Variants in PDZD2 observed in about 807,000 individuals in gnomAD.
PDZD2 encodes the protein PDZ domain containing 2.
A neutral mutation model predicts 220.7 loss-of-function variants in PDZD2; 90 were observed. That is an observed-to-expected ratio of 0.41 (90% CI 0.34 to 0.49). The LOEUF (loss-of-function observed/expected upper bound fraction) is 0.49, where lower values mean the gene tolerates loss of function less well. Ranked by LOEUF, PDZD2 falls within the 20% of genes least tolerant of loss-of-function variation. PDZD2 has a pLI of 0.28. For missense variants in PDZD2, 3,174 were observed against 3,608.5 expected, an observed-to-expected ratio of 0.88 and a Z score of 3.08; for synonymous variants, 1,375 against 1,450.5, an observed-to-expected ratio of 0.95 and a Z score of 1.18.
intron 2 of PDZD2, among the ~76,000 whole-genome samples, chr5:31,897,424 G>A (rs1041517112): frequency 1.3e-5 from 2 of 152,112 alleles, no homozygotes; most frequent in African/African-American, 4.8e-5. Flanking sequence ...TCAGAGTGTT[G>A]TACACACCTC....
intron 2 of PDZD2, among the ~76,000 whole-genome samples, chr5:31,854,308 G>C (rs1758235720): frequency 6.6e-6 from 1 of 152,230 alleles, no homozygotes; most frequent in African/African-American, 2.4e-5. Flanking sequence ...GGCCTCCTGG[G>C]GGAGGGCTTG....
intron 6 of PDZD2, among the ~76,000 whole-genome samples, chr5:32,034,664 G>T (rs1183987122): frequency 6.6e-6 from 1 of 152,092 alleles, no homozygotes; most frequent in Non-Finnish European, 1.5e-5. Context: ...CTGGAACCAG[G>T]AATTTAACTC....
chr5:31,756,779 T>C (rs1751329096), intron 1 of PDZD2, among the ~76,000 whole-genome samples: 1 of 152,198 alleles, frequency 6.6e-6, no homozygotes, highest in Non-Finnish European at 1.5e-5. Flanking sequence ...GCCTTACATG[T>C]GGGGAAGGCC....
intron 2 of PDZD2, among the ~76,000 whole-genome samples, chr5:31,946,898 T>G (rs1293028186): frequency 6.6e-6 from 1 of 152,186 alleles, no homozygotes; most frequent in Non-Finnish European, 1.5e-5. Context: ...GACATGGGTC[T>G]TAACGACATT....
intron 6 of PDZD2, among the ~76,000 whole-genome samples, chr5:32,018,609 C>T (rs1289391928): frequency 6.6e-6 from 1 of 152,250 alleles, no homozygotes; most frequent in Non-Finnish European, 1.5e-5. Context: ...TCATTCTCGG[C>T]ACCAACCCGC....
intron 2 of PDZD2, among the ~76,000 whole-genome samples, chr5:31,877,311 G>A (rs1739391302): frequency 6.6e-6 from 1 of 152,028 alleles, no homozygotes; most frequent in Non-Finnish European, 1.5e-5. Context: ...GGTCTCTCGG[G>A]CTCAAGCGAT....
At chr5:32,080,782 A>C (rs1030275561) in intron 19 of PDZD2, among the ~76,000 whole-genome samples, 1 of 152,162 alleles carries the variant, frequency 6.6e-6, no homozygotes, top group Admixed American at 6.5e-5. Context: ...ACAAGAATGG[A>C]GCTGGAAGCC....
chr5:32,088,269 C>T lies in PDZD2; in HGVS notation c.4821C>T (p.Cys1607=). The stretch of plus-strand genomic sequence containing the variant: ...TTGAGATTTGTTCCACACGTGGCTG[C>T]CCCAATCCACCCTCGAGTCCTGCTC... ...EQIEICSTRG[C]PNPPSSPAHL... Residue 1607 remains cysteine, a synonymous_variant, in exon 20 of 25, where the codon TGC becomes TGT. Coordinates refer to ENST00000438447, the MANE Select transcript of PDZD2 (RefSeq NM_178140.4). This position sits in a 1 kb window ranked among gnomAD's most constrained non-coding sequence, Gnocchi z 4.6. The T allele has an allele frequency of 6.2e-7, 1 of 1,614,108 alleles. No individual in the cohort carries two copies.
chr5:31,853,660 C>T (rs1260528750), intron 2 of PDZD2, among the ~76,000 whole-genome samples: 7 of 152,132 alleles, frequency 4.6e-5, no homozygotes, highest in Admixed American at 4.6e-4. Context: ...TCTTTTGCCT[C>T]CTCCATTATA....
chr5:31,665,651 C>CA (rs113191767), intron 1 of PDZD2, among the ~76,000 whole-genome samples: 7 of 144,046 alleles, frequency 4.9e-5, no homozygotes, highest in South Asian at 2.3e-4. Context: ...CCCTCCCCCC[C>CA]CTCCCTTTCC....
chr5:31,934,062 C>T lies in PDZD2; in HGVS notation c.477-49093C>T, dbSNP rs142430663. Among the ~76,000 whole-genome samples, 740 of 152,202 alleles carry T rather than the reference C, an allele frequency of 4.9e-3. 5 individuals carry two copies. Among genetic ancestry groups the T allele is most frequent in the Non-Finnish European group, 7.1e-3 (483 of 68,020 alleles). ...GTTGAGAGAATGGGACAAAGAGAGG[C>T]AGGATAACTGGTTTTACCATAGATT... On this transcript the variant is annotated intron_variant, in intron 2 of 24. Transcript: ENST00000438447.
intron 2 of PDZD2, among the ~76,000 whole-genome samples, chr5:31,852,090 C>T (rs1035074667): frequency 2.0e-5 from 3 of 151,898 alleles, no homozygotes; most frequent in Admixed American, 1.3e-4. Context: ...CTCCTGACCT[C>T]GTGATCCGCC....
intron 1 of PDZD2, among the ~76,000 whole-genome samples, chr5:31,644,588 G>A (rs886289936): frequency 6.6e-6 from 1 of 152,166 alleles, no homozygotes; most frequent in Non-Finnish European, 1.5e-5. Context: ...AGCCTCTCCA[G>A]CTCCAGGAAG....
At chr5:31,854,755 C>T (rs1758276674) in intron 2 of PDZD2, among the ~76,000 whole-genome samples, 1 of 152,250 alleles carries the variant, frequency 6.6e-6, no homozygotes, top group South Asian at 2.1e-4. Context: ...TCCCTGAAAT[C>T]CTCCCCAGGG....
At chr5:32,007,761 A>G (rs1752946108) in intron 5 of PDZD2, among the ~76,000 whole-genome samples, 1 of 152,216 alleles carries the variant, frequency 6.6e-6, no homozygotes, top group Non-Finnish European at 1.5e-5. Context: ...GAGAACAGGT[A>G]GCTCTTCTTG....
In PDZD2 at chr5:31,703,240, T is replaced by C. The variant is rs141827673; in HGVS notation, c.-361+63803T>C. ...GGAAACCAACCCAAATGCCCATTGA[T>C]GGTAGACTGGATAAAGAAAATGTGG... On this transcript the variant is annotated intron_variant, in intron 1 of 24. Transcript: ENST00000438447. Among the ~76,000 whole-genome samples the C allele has an allele frequency of 3.2e-3, 492 of 152,326 alleles. 2 individuals are homozygous for C. The highest frequency in any genetic ancestry group is 5.5e-3 in the Non-Finnish European group (375 of 68,030).
chr5:31,848,753 A>AG (rs756913806), intron 2 of PDZD2, among the ~76,000 whole-genome samples: 3 of 150,952 alleles, frequency 2.0e-5, no homozygotes, highest in Non-Finnish European at 4.4e-5. Flanking sequence ...TCAAAAAAAA[A>AG]GAAAAAAGAA....
rs3062066 is a variant in PDZD2, at chr5:32,109,116, C to CAAGT, written c.*983_*986dup. On this transcript the variant is annotated 3_prime_UTR_variant, in exon 25 of 25. Transcript: ENST00000438447. The stretch of plus-strand genomic sequence containing the variant: ...GAATTTAAACTAAATTTTTAGAAAT[C>CAAGT]AAGTATCTTTCTAAGTGTCCTTGGA... 0.051 allele frequency: 7,781 copies of CAAGT among 152,474 alleles called. 318 individuals carry two copies. Among genetic ancestry groups the CAAGT allele is most frequent in the East Asian group, 0.17 (890 of 5,182 alleles). 9.4% of individuals were successfully genotyped at this position (152,474 alleles called of 1,614,324 possible).
chr5:31,952,588 A>C (rs1747278281), intron 2 of PDZD2, among the ~76,000 whole-genome samples: 1 of 152,224 alleles, frequency 6.6e-6, no homozygotes, highest in South Asian at 2.1e-4. Context: ...TCCTGTAGCT[A>C]ATAAATGGAC....
Sources: gnomAD v4.1 joint callset for allele counts (sites outside exome capture counted in the v4.1 genomes callset) on GRCh38, gnomAD v4.1.1 for gene constraint, Gnocchi (gnomAD v3.1) non-coding constraint, MANE v1.5 for transcripts, NCBI Gene and HGNC (gene_info 2026-07-23, HGNC 2026-07-21) for gene names.